ACSM3: variants seen among roughly 807,000 people sequenced by gnomAD.
ACSM3 encodes the protein acyl-CoA synthetase medium chain family member 3.
Under a neutral mutation model 74.1 loss-of-function variants are expected in ACSM3, and 61 were observed. The observed-to-expected ratio is 0.82, with a 90% CI of 0.67 to 1.02. The LOEUF (loss-of-function observed/expected upper bound fraction) is 1.02, where lower values mean the gene tolerates loss of function less well. ACSM3 is among the 50% of genes least tolerant of loss of function. ACSM3 has a pLI of 0.00. For missense variants in ACSM3, 660 were observed against 697.0 expected (o/e 0.95, Z 0.60); for synonymous variants, 213 against 241.5 (o/e 0.88, Z 1.09).
At chr16:20,714,069 G>A (rs2079752879) in intron 1 of ACSM3, among the ~76,000 whole-genome samples, 1 of 152,154 alleles carries the variant, frequency 6.6e-6, no homozygotes, top group South Asian at 2.1e-4. Context: ...GAGGGAAAAG[G>A]TCAACATTAT....
intron 1 of ACSM3, among the ~76,000 whole-genome samples, chr16:20,690,071 T>A (rs1309647418): frequency 6.6e-6 from 1 of 152,258 alleles, no homozygotes; most frequent in Non-Finnish European, 1.5e-5. Flanking sequence ...TTTATTTTTC[T>A]TGAGGTTACT....
intron 1 of ACSM3, among the ~76,000 whole-genome samples, chr16:20,705,652 T>A (rs914568183): frequency 3.3e-5 from 5 of 151,326 alleles, no homozygotes; most frequent in African/African-American, 9.7e-5. Context: ...AAATCCAGAG[T>A]CTCTACAGTA....
intron 1 of ACSM3, among the ~76,000 whole-genome samples, chr16:20,769,491 G>A (rs2080165395): frequency 6.6e-6 from 1 of 152,100 alleles, no homozygotes; most frequent in Admixed American, 6.6e-5. Flanking sequence ...ATTGTTATTG[G>A]GCTACTCTCG....
chr16:20,730,745 C>A (rs115099455), intron 1 of ACSM3, among the ~76,000 whole-genome samples: 37 of 152,288 alleles, frequency 2.4e-4, no homozygotes, highest in African/African-American at 8.9e-4. Context: ...TTACTAACCT[C>A]AGTAATTATC....
intron 1 of ACSM3, among the ~76,000 whole-genome samples, chr16:20,732,450 A>G (rs577556007): frequency 6.6e-6 from 1 of 152,330 alleles, no homozygotes; most frequent in South Asian, 2.1e-4. Context: ...TTTTGACAGA[A>G]GAGAATAAAA....
chr16:20,739,534 A>G (rs1463185647), intron 1 of ACSM3, among the ~76,000 whole-genome samples: 1 of 152,080 alleles, frequency 6.6e-6, no homozygotes, highest in African/African-American at 2.4e-5. Context: ...CAAAACGTGG[A>G]GCAAGGCCGG....
chr16:20,709,362 A>G (rs555538877), intron 1 of ACSM3, among the ~76,000 whole-genome samples: 100 of 152,362 alleles, frequency 6.6e-4, no homozygotes, highest in African/African-American at 2.4e-3. Context: ...CACTCAATTA[A>G]ATGTAAAACA....
chr16:20,781,277 G>T, intron 6 of ACSM3, 147 bp downstream of exon 6: 1 of 1,007,596 alleles, frequency 9.9e-7, no homozygotes. Context: ...AGCCTGAAAA[G>T]ATACACTCGG....
intron 1 of ACSM3, chr16:20,729,529 T>C: frequency 1.7e-6 from 1 of 576,542 alleles, no homozygotes; most frequent in South Asian, 1.9e-5. Context: ...CTGTTGTCAG[T>C]AGTCCATATC....
At chr16:20,775,140 C>T (rs930753798) in intron 2 of ACSM3, among the ~76,000 whole-genome samples, 2 of 152,088 alleles carry the variant, frequency 1.3e-5, no homozygotes, top group South Asian at 2.1e-4. Context: ...CAGCCCTCTA[C>T]GGGAACGTGT....
chr16:20,762,637 A>G (rs2080087305), upstream of ACSM3, among the ~76,000 whole-genome samples: 1 of 152,246 alleles, frequency 6.6e-6, no homozygotes, highest in Non-Finnish European at 1.5e-5. Context: ...AGTGTAATCT[A>G]TCTTATTAAC....
At chr16:20,738,806 C>G in intron 1 of ACSM3, 1 of 1,456,394 alleles carries the variant, frequency 6.9e-7, no homozygotes, top group Admixed American at 1.9e-5. Flanking sequence ...CTGAGTCATG[C>G]CCAAGAAGCC....
rs779345054 is a variant in ACSM3, at chr16:20,796,368, A to C, written c.1555-2A>C. 21 of 1,605,360 alleles carry C rather than the reference A, an allele frequency of 1.3e-5. No homozygotes were observed. In the South Asian group the frequency reaches 2.3e-4, roughly 18 times the overall value. ...TCCTGGTGTTTCAAATATTTATTTT[A>C]GGTAGTAAAGGCTTTTGTCGTTCTA... On this transcript the variant is annotated splice_acceptor_variant, in intron 12 of 13. Coordinates refer to ENST00000289416, the MANE Select transcript of ACSM3 (RefSeq NM_005622.4). LOFTEE classifies it high-confidence loss of function.
intron 1 of ACSM3, among the ~76,000 whole-genome samples, chr16:20,725,063 C>T (rs141342711): frequency 0.036 from 5,449 of 152,152 alleles, 143 homozygotes; most frequent in Non-Finnish European, 0.054. Flanking sequence ...AAAAAGAGCC[C>T]GCATTGCCAA....
upstream of ACSM3, among the ~76,000 whole-genome samples, chr16:20,759,856 T>G (rs887094782): frequency 2.6e-5 from 4 of 152,110 alleles, no homozygotes; most frequent in African/African-American, 9.7e-5. Flanking sequence ...TTATGACACT[T>G]GAAGTGGGGG....
At chr16:20,740,673 A>G (rs1330845783) in intron 1 of ACSM3, among the ~76,000 whole-genome samples, 1 of 152,174 alleles carries the variant, frequency 6.6e-6, no homozygotes, top group Non-Finnish European at 1.5e-5. Flanking sequence ...GTGAATTTAA[A>G]TTCCCTCTGT....
intron 1 of ACSM3, chr16:20,734,929 G>C (rs2079856512): frequency 6.6e-6 from 1 of 152,198 alleles, no homozygotes; most frequent in Non-Finnish European, 1.5e-5. Context: ...TTATATACTA[G>C]TGCTGGGAAA....
chr16:20,744,584 C>T (rs547976640), intron 1 of ACSM3, among the ~76,000 whole-genome samples: 2 of 152,244 alleles, frequency 1.3e-5, no homozygotes, highest in African/African-American at 4.8e-5. Flanking sequence ...GGGGTTTCAC[C>T]ATGTTGGCCA....
At chr16:20,678,004 A>T (rs1003534518) in intron 1 of ACSM3, among the ~76,000 whole-genome samples, 3 of 150,878 alleles carry the variant, frequency 2.0e-5, no homozygotes, top group Admixed American at 6.6e-5. Flanking sequence ...GAAGAATACT[A>T]AAGGCTAAAA....
Sources: allele counts gnomAD v4.1 joint callset (sites outside exome capture counted in the v4.1 genomes callset), GRCh38; gene constraint gnomAD v4.1.1; transcripts MANE v1.5; gene names NCBI Gene and HGNC (gene_info 2026-07-23, HGNC 2026-07-21).